BRINP1: variants seen among roughly 807,000 people sequenced by gnomAD.
BRINP1 encodes BMP/retinoic acid-inducible neural-specific protein 1.
BRINP1 carries 17 observed loss-of-function variants against 72.9 expected under a neutral mutation model. The ratio of observed to expected loss-of-function variants is 0.23; its 90% CI spans 0.16 to 0.35. BRINP1 has a LOEUF of 0.35. BRINP1 is among the 10% of genes least tolerant of loss of function. The pLI is 1.00. For missense variants in BRINP1, 850 were observed against 1,001.6 expected (o/e 0.85, Z 2.04); for synonymous variants, 418 against 378.5 (o/e 1.10, Z -1.21).
At position 119,218,889 on chromosome 9, in the gene BRINP1, T is replaced by C. The variant is rs373963693; in HGVS notation, c.686-4734A>G. On this transcript the variant is annotated intron_variant, in intron 5 of 7. Transcript: ENST00000265922. ...CTCCCTGTCCCCTGCATACATACAT[T>C]CATATGCCAAAACCCTCACTTGCAA... 1.1e-4 allele frequency among the ~76,000 whole-genome samples: 16 copies of C among 152,074 alleles called. No homozygotes were observed. The East Asian group carries it at 1.8e-3, about 17-fold the overall frequency.
intron 6 of BRINP1, among the ~76,000 whole-genome samples, chr9:119,212,905 G>A (rs570180999): frequency 4.8e-4 from 73 of 152,270 alleles, no homozygotes; most frequent in Non-Finnish European, 8.1e-4. Context: ...AGGTTTATGA[G>A]TATCACCTCA....
chr9:119,228,154 T>C (rs1408305925), intron 5 of BRINP1, among the ~76,000 whole-genome samples: 1 of 151,894 alleles, frequency 6.6e-6, no homozygotes, highest in Admixed American at 6.6e-5. Context: ...TCCCCTTCCC[T>C]TTCTCTCTTT....
chr9:119,214,412 A>G (rs1829958343), intron 5 of BRINP1, among the ~76,000 whole-genome samples: 1 of 152,220 alleles, frequency 6.6e-6, no homozygotes, highest in South Asian at 2.1e-4. Flanking sequence ...TTATAGTAGG[A>G]CTGAGGCTAG....
chr9:119,367,792 T>C (rs1400084406), intron 1 of BRINP1, among the ~76,000 whole-genome samples: 1 of 152,176 alleles, frequency 6.6e-6, no homozygotes, highest in Non-Finnish European at 1.5e-5. Flanking sequence ...TTTCAAATTG[T>C]AGATCTCCCT....
At position 119,284,093 on chromosome 9, in the gene BRINP1, C is replaced by A. The variant is rs553921007; in HGVS notation, c.218+29045G>T. ...ATACATTAACTTTGAAGGGGCCTGC[C>A]ACCAGTCCTCTTATTTCTCTCCACT... On this transcript the variant is annotated intron_variant, in intron 2 of 7. Coordinates refer to ENST00000265922, the MANE Select transcript of BRINP1 (RefSeq NM_014618.3). 2.0e-5 allele frequency among the ~76,000 whole-genome samples: 3 copies of A among 152,280 alleles called. No homozygotes were observed. In the East Asian group the frequency reaches 5.8e-4, roughly 29 times the overall value.
At chr9:119,340,878 C>G (rs1268868968) in intron 1 of BRINP1, among the ~76,000 whole-genome samples, 1 of 152,140 alleles carries the variant, frequency 6.6e-6, no homozygotes, top group African/African-American at 2.4e-5. Flanking sequence ...TGAAGGTCCA[C>G]AGAGTAGGGA....
intron 1 of BRINP1, among the ~76,000 whole-genome samples, chr9:119,313,710 G>A (rs1218014664): frequency 6.6e-6 from 1 of 152,058 alleles, no homozygotes; most frequent in Non-Finnish European, 1.5e-5. Context: ...TAAAACTGAG[G>A]GTGAGCTTAC....
At chr9:119,266,765 C>T (rs1431697339) in intron 2 of BRINP1, among the ~76,000 whole-genome samples, 3 of 152,222 alleles carry the variant, frequency 2.0e-5, no homozygotes, top group Admixed American at 2.0e-4. Flanking sequence ...TCTTTCTGTG[C>T]CTGGCTTATT....
At chr9:119,220,949 G>A (rs1398696394) in intron 5 of BRINP1, among the ~76,000 whole-genome samples, 1 of 152,102 alleles carries the variant, frequency 6.6e-6, no homozygotes, top group African/African-American at 2.4e-5. Flanking sequence ...CATTGTCATA[G>A]GTTGTTTTTG....
At chr9:119,302,268 C>CA (rs1421157873) in intron 2 of BRINP1, among the ~76,000 whole-genome samples, 2 of 151,736 alleles carry the variant, frequency 1.3e-5, no homozygotes, top group Non-Finnish European at 2.9e-5. Context: ...CAAAGTACTG[C>CA]AAAAAATTAA....
chr9:119,283,100 G>A (rs1830729341), intron 2 of BRINP1: 1 of 985,088 alleles, frequency 1.0e-6, no homozygotes, highest in Non-Finnish European at 1.2e-6. Context: ...GCAGTTCACA[G>A]AGCTTGGAGC....
intron 2 of BRINP1, among the ~76,000 whole-genome samples, chr9:119,280,755 A>G (rs971079510): frequency 3.3e-5 from 5 of 152,184 alleles, no homozygotes; most frequent in African/African-American, 7.2e-5. Context: ...CCTGTCCTCA[A>G]TAGCAATCTA....
intron 1 of BRINP1, among the ~76,000 whole-genome samples, chr9:119,361,788 A>G (rs963298761): frequency 7.4e-6 from 1 of 135,852 alleles, no homozygotes; most frequent in African/African-American, 2.8e-5. Flanking sequence ...GCCCAGCTAC[A>G]GTTTTTGCAT....
Position 119,286,242 on chromosome 9 carries a change from T to C in BRINP1, c.218+26896A>G, listed in dbSNP as rs1258586202. 2.6e-5 allele frequency among the ~76,000 whole-genome samples: 4 copies of C among 151,846 alleles called. No homozygotes were observed. The East Asian group carries it at 7.7e-4, about 29-fold the overall frequency. ...GTTATCGCCATTATCTTTCATCTTT[T>C]TTTTTTTTGAGACGGAGTCTTGCTC... On this transcript the variant is annotated intron_variant, in intron 2 of 7. Coordinates refer to ENST00000265922, the MANE Select transcript of BRINP1 (RefSeq NM_014618.3).
intron 7 of BRINP1, among the ~76,000 whole-genome samples, chr9:119,175,107 TAAAGTA>T (rs1740124367): frequency 1.9e-5 from 1 of 52,054 alleles, no homozygotes; most frequent in South Asian, 6.6e-4. Flanking sequence ...CCCTAAAACT[TAAAGTA>T]AAGTATAAAA....
chr9:119,328,837 G>A (rs1831265644), intron 1 of BRINP1, among the ~76,000 whole-genome samples: 1 of 152,084 alleles, frequency 6.6e-6, no homozygotes, highest in South Asian at 2.1e-4. Context: ...AGCTGAGAAT[G>A]GTTCAAACAA....
chr9:119,196,596 C>A (rs1280747335), intron 7 of BRINP1, among the ~76,000 whole-genome samples: 1 of 152,150 alleles, frequency 6.6e-6, no homozygotes, highest in African/African-American at 2.4e-5. Flanking sequence ...ACAATAAGGA[C>A]AATTGCACTA....
In BRINP1 at chr9:119,297,387, G is replaced by A. The variant is rs866666666; in HGVS notation, c.218+15751C>T. Among the ~76,000 whole-genome samples, 10 of 152,176 alleles carry A rather than the reference G, an allele frequency of 6.6e-5. No homozygotes were observed. The Middle Eastern group carries it at 0.014, about 207-fold the overall frequency. On this transcript the variant is annotated intron_variant, in intron 2 of 7. Transcript: ENST00000265922. The stretch of plus-strand genomic sequence containing the variant: ...AGCGCCCTGTATAGCCAGTGGTAAC[G>A]AGCACAGACTGTGGAACCAGATTGC...
intron 7 of BRINP1, among the ~76,000 whole-genome samples, chr9:119,185,678 G>A (rs1829609304): frequency 6.6e-6 from 1 of 152,164 alleles, no homozygotes; most frequent in Non-Finnish European, 1.5e-5. Flanking sequence ...AAAACATCTT[G>A]TCTCTGCTAC....
Sources: gnomAD v4.1 joint callset for allele counts (sites outside exome capture counted in the v4.1 genomes callset) on GRCh38, gnomAD v4.1.1 for gene constraint, MANE v1.5 for transcripts, NCBI Gene and HGNC (gene_info 2026-07-23, HGNC 2026-07-21) for gene names.